THBS4: variants seen among roughly 807,000 people sequenced by gnomAD.
The protein encoded by THBS4 is thrombospondin 4.
A neutral mutation model predicts 115.7 loss-of-function variants in THBS4; 90 were observed. That is an observed-to-expected ratio of 0.78 (90% CI 0.66 to 0.93). The LOEUF is 0.93. Ranked by LOEUF, THBS4 falls within the 40% of genes least tolerant of loss-of-function variation. The probability of loss-of-function intolerance (pLI) is 0.00; values close to 1 mark genes in which losing one functional copy is unlikely to be tolerated. For synonymous variants in THBS4, 460 were observed against 479.3 expected, an observed-to-expected ratio of 0.96 and a Z score of 0.53; for missense variants, 1,087 against 1,232.7, an observed-to-expected ratio of 0.88 and a Z score of 1.77.
chr5:79,998,588 CTG>C (rs1489491587), intron 2 of THBS4, among the ~76,000 whole-genome samples: 3 of 152,184 alleles, frequency 2.0e-5, no homozygotes, highest in Non-Finnish European at 4.4e-5. Context: ...TGAATGAACT[CTG>C]TGGTTTGTAC....
At position 80,071,169 on chromosome 5, in the gene THBS4, T is replaced by C; in HGVS notation, c.1709T>C (p.Met570Thr). 1 of 1,574,792 alleles carries C rather than the reference T, an allele frequency of 6.4e-7. No homozygotes were observed. ...DGRGDACDDD[M>T]DGDGIKNILD... is the part of the protein sequence containing the mutation. ...AGAGGAGATGCCTGTGATGATGACA[T>C]GGATGGAGATGGTAGATTTATCTTG... The change falls in exon 13 of 22, where the codon ATG (methionine) becomes ACG (threonine). Residue 570 changes from methionine (M) to threonine (T), a missense_variant. Coordinates refer to ENST00000350881, the MANE Select transcript of THBS4 (RefSeq NM_003248.6).
chr5:80,004,406 G>A (rs1378770788), intron 2 of THBS4, among the ~76,000 whole-genome samples: 1 of 152,162 alleles, frequency 6.6e-6, no homozygotes, highest in Non-Finnish European at 1.5e-5. Context: ...ATCTCTCTGT[G>A]TTCATTCTGG....
At chr5:80,056,760 A>C (rs1456268135) in intron 3 of THBS4, among the ~76,000 whole-genome samples, 1 of 151,840 alleles carries the variant, frequency 6.6e-6, no homozygotes, top group Non-Finnish European at 1.5e-5. Flanking sequence ...CCAATGTCAA[A>C]TCAGTAACTA....
intron 2 of THBS4, among the ~76,000 whole-genome samples, chr5:80,008,692 G>T (rs1035936635): frequency 6.6e-6 from 1 of 152,062 alleles, no homozygotes; most frequent in Non-Finnish European, 1.5e-5. Context: ...TTAATTCTTT[G>T]TTGTGAGGGG....
chr5:80,079,811 C>A, intron 19 of THBS4, 94 bp from the exon 20 acceptor site: 1 of 1,343,400 alleles, frequency 7.4e-7, no homozygotes, highest in Non-Finnish European at 1.0e-6. Context: ...GGATTATAAC[C>A]ATGACTATAA....
At chr5:80,073,992 C>T (rs1027798783) in intron 15 of THBS4, among the ~76,000 whole-genome samples, 10 of 152,172 alleles carry the variant, frequency 6.6e-5, no homozygotes, top group African/African-American at 2.4e-4. Context: ...TTACCTAATA[C>T]TTTTGCCTCA....
chr5:80,070,796 A>G (rs753587344), intron 12 of THBS4, 46 bp downstream of exon 12: 28 of 1,599,390 alleles, frequency 1.8e-5, no homozygotes, highest in Middle Eastern at 1.7e-4. Context: ...CGTACCAGGG[A>G]TGATGGGAGA....
chr5:80,041,990 A>G (rs1227701812), intron 2 of THBS4, among the ~76,000 whole-genome samples: 1 of 152,224 alleles, frequency 6.6e-6, no homozygotes, highest in Non-Finnish European at 1.5e-5. Context: ...TAAAAGTATA[A>G]ATGAATGGGA....
chr5:79,995,923 T>A (rs180939830), intron 1 of THBS4, among the ~76,000 whole-genome samples: 1 of 150,942 alleles, frequency 6.6e-6, no homozygotes, highest in East Asian at 1.9e-4. Context: ...TCACTTGAGG[T>A]CAGGAGTTCC....
At chr5:80,042,342 G>A (rs1832930069) in intron 2 of THBS4, among the ~76,000 whole-genome samples, 1 of 152,224 alleles carries the variant, frequency 6.6e-6, no homozygotes, top group Non-Finnish European at 1.5e-5. Flanking sequence ...CTGTGGATCA[G>A]CAGCTTCTCC....
chr5:80,047,188 C>T (rs185800507), intron 2 of THBS4, among the ~76,000 whole-genome samples: 1 of 152,272 alleles, frequency 6.6e-6, no homozygotes, highest in East Asian at 1.9e-4. Flanking sequence ...AAGCTCCTTA[C>T]ATTTTAGGTT....
intron 20 of THBS4, 58 bp downstream of exon 20, chr5:80,080,135 C>T (rs1743416476): frequency 6.5e-7 from 1 of 1,538,294 alleles, no homozygotes; most frequent in Non-Finnish European, 8.8e-7. Flanking sequence ...CTCCGTTCTG[C>T]ATCCCAGAGC....
At chr5:80,032,595 C>T (rs1267731899), upstream of THBS4, among the ~76,000 whole-genome samples, 1 of 152,204 alleles carries the variant, frequency 6.6e-6, no homozygotes, top group African/African-American at 2.4e-5. Flanking sequence ...GCTGAAGGCC[C>T]AACAGCCCCT....
chr5:80,040,062 C>G lies in THBS4; in HGVS notation c.89-15C>G. ...GAATCTTTCACTTATACCCCTTCTT[C>G]TCCCTTCTTCCCAGTCTTTGACCTT... On this transcript the variant is annotated splice_polypyrimidine_tract_variant and intron_variant, in intron 1 of 21. Coordinates refer to ENST00000350881, the MANE Select transcript of THBS4 (RefSeq NM_003248.6). 6.2e-7 allele frequency: 1 copy of G among 1,613,060 alleles called. No homozygotes were observed. Among genetic ancestry groups the G allele is most frequent in the Non-Finnish European group, 8.5e-7 (1 of 1,179,104 alleles).
chr5:80,055,941 T>A lies in THBS4; in HGVS notation c.449T>A (p.Val150Glu). Residue 150 changes from valine (V) to glutamate (E), a missense_variant, in exon 3 of 22, where the codon GTG becomes GAG. By Grantham distance (121) the Val-to-Glu change is moderately radical. Coordinates refer to ENST00000350881, the MANE Select transcript of THBS4 (RefSeq NM_003248.6). ...SLELYLDCIQVDSVHNLPRAF... is the reference protein window; with the variant it reads ...SLELYLDCIQEDSVHNLPRAF... ...GAGCTCTACCTGGACTGCATCCAGGTGGATTCCGTTCACAATCTCCCCAGG... is the reference window on the plus strand; with the variant it reads ...GAGCTCTACCTGGACTGCATCCAGGAGGATTCCGTTCACAATCTCCCCAGG... The A allele has an allele frequency of 6.2e-7, 1 of 1,614,168 alleles. No homozygotes were observed. The highest frequency in any genetic ancestry group is 8.5e-7 in the Non-Finnish European group (1 of 1,180,018).
At chr5:79,999,935 G>T (rs1292465417) in intron 2 of THBS4, among the ~76,000 whole-genome samples, 2 of 152,170 alleles carry the variant, frequency 1.3e-5, no homozygotes, top group African/African-American at 4.8e-5. Context: ...GGAAAGAACA[G>T]GGTCCAATGA....
In THBS4 at chr5:80,035,450, A is replaced by C; in HGVS notation, c.-88A>C. ...ACCTGCGGCGCCGGCCCGGGCGCCG[A>C]CCGAGGTTCAACGCACGGCCCGGGG... On this transcript the variant is annotated 5_prime_UTR_variant, in exon 1 of 22. Coordinates refer to ENST00000350881, the MANE Select transcript of THBS4 (RefSeq NM_003248.6). This position sits in a 1 kb window ranked among gnomAD's most constrained non-coding sequence, Gnocchi z 4.6. The C allele has an allele frequency of 1.0e-6, 1 of 966,436 alleles. No individual in the cohort carries two copies. The highest frequency in any genetic ancestry group is 1.3e-6 in the Non-Finnish European group (1 of 750,026). 59.9% of individuals were successfully genotyped at this position (966,436 alleles called of 1,614,324 possible). A position where few individuals can be genotyped will look rare whatever the true frequency, so the allele number is the denominator to read the frequency against.
intron 10 of THBS4, among the ~76,000 whole-genome samples, chr5:80,069,173 G>A (rs753888393): frequency 1.3e-5 from 2 of 152,158 alleles, no homozygotes; most frequent in Admixed American, 6.5e-5. Flanking sequence ...ATGGATTCTC[G>A]GAGCCCTTTT....
At chr5:80,042,632 T>A (rs1464734566) in intron 2 of THBS4, among the ~76,000 whole-genome samples, 1 of 152,148 alleles carries the variant, frequency 6.6e-6, no homozygotes, top group African/African-American at 2.4e-5. Flanking sequence ...AGGGGATCGT[T>A]AGTATGTTTC....
Sources: gnomAD v4.1 joint callset for allele counts (sites outside exome capture counted in the v4.1 genomes callset) on GRCh38, gnomAD v4.1.1 for gene constraint, Gnocchi (gnomAD v3.1) non-coding constraint, MANE v1.5 for transcripts, NCBI Gene and HGNC (gene_info 2026-07-23, HGNC 2026-07-21) for gene names.